Variants in BOK observed in about 807,000 individuals in gnomAD.
BOK encodes the protein BCL2 family apoptosis regulator BOK.
BOK carries 20 observed loss-of-function variants against 18.3 expected under a neutral mutation model. That is an observed-to-expected ratio of 1.09 (90% CI 0.77 to 1.59). BOK has a LOEUF of 1.59. Ranked by LOEUF, BOK falls within the 40% of genes most tolerant of loss-of-function variation. The pLI is 0.00. For synonymous variants in BOK, 173 were observed against 142.4 expected (o/e 1.21, Z -1.53); for missense variants, 348 against 307.9 (o/e 1.13, Z -0.97).
upstream of BOK, among the ~76,000 whole-genome samples, chr2:241,553,834 G>C (rs1405022192): frequency 6.6e-6 from 1 of 152,184 alleles, no homozygotes; most frequent in Non-Finnish European, 1.5e-5. Flanking sequence ...CAACGGGGTA[G>C]AGTGGCCTCT....
At chr2:241,554,950 CAAGAGTGGATGT>C (rs1196848726), upstream of BOK, among the ~76,000 whole-genome samples, 3 of 152,134 alleles carry the variant, frequency 2.0e-5, no homozygotes, top group Non-Finnish European at 4.4e-5. Context: ...AGTTGCATGG[CAAGAGTGGATGT>C]AAGAGTTCTG....
chr2:241,561,142 G>GC (rs2066521199), intron 2 of BOK, among the ~76,000 whole-genome samples: 3 of 42,518 alleles, frequency 7.1e-5, no homozygotes, highest in African/African-American at 4.2e-4. Flanking sequence ...ATACAGAGCA[G>GC]CCTTTATCAG....
At position 241,570,256 on chromosome 2, in the gene BOK, CT is replaced by C. The variant is rs2066693122; in HGVS notation, c.482del (p.Leu161ArgfsTer41). 4 of 1,579,202 alleles carry C rather than the reference CT, an allele frequency of 2.5e-6. No homozygotes were observed. The East Asian group carries it at 9.4e-5, about 37-fold the overall frequency. On this transcript the variant is annotated frameshift_variant, in exon 4 of 5. Coordinates refer to ENST00000318407, the MANE Select transcript of BOK (RefSeq NM_032515.5). LOFTEE classifies it high-confidence loss of function. The stretch of plus-strand genomic sequence containing the variant: ...CCTGGGGGAGTTCGTGCGCAAGACC[CT>C]GGCAACCTGGCTGCGGAGACGCGGC... ...DCLGEFVRKTLATWLRRRGGW... is the reference protein window; with the variant it reads ...DCLGEFVRKTXATWLRRRGGW...
At chr2:241,572,250 T>G (rs2066736093) in intron 4 of BOK, 47 bp from the exon 5 acceptor site, 5 of 1,595,424 alleles carry the variant, frequency 3.1e-6, no homozygotes, top group Non-Finnish European at 3.4e-6. Context: ...GCTGGGGGCC[T>G]GGCGGTGCTG....
chr2:241,561,350 G>A (rs1443515190), intron 2 of BOK, among the ~76,000 whole-genome samples: 1 of 152,248 alleles, frequency 6.6e-6, no homozygotes, highest in Non-Finnish European at 1.5e-5. Context: ...CCAGGGGCAG[G>A]GCTGATGCAG....
rs555216514 is a variant in BOK, at chr2:241,568,283, G to A, written c.350-1842G>A. On this transcript the variant is annotated intron_variant, in intron 3 of 4. Coordinates refer to ENST00000318407, the MANE Select transcript of BOK (RefSeq NM_032515.5). ...CTACAGGCACCAGCCGCCATGCCCG[G>A]CTAATTTTTTGTGTTTTTAGTAGAG... Among the ~76,000 whole-genome samples, 4 of 152,136 alleles carry A rather than the reference G, an allele frequency of 2.6e-5. No homozygotes were observed. In the East Asian group the frequency reaches 7.7e-4, roughly 29 times the overall value.
intron 4 of BOK, among the ~76,000 whole-genome samples, chr2:241,571,053 G>A (rs1441289026): frequency 1.2e-4 from 18 of 151,540 alleles, no homozygotes; most frequent in Admixed American, 1.2e-3. Context: ...GTGGCGGATG[G>A]GTGGTCACCT....
chr2:241,564,946 C>G (rs999906123), intron 3 of BOK, among the ~76,000 whole-genome samples: 3 of 152,182 alleles, frequency 2.0e-5, no homozygotes, highest in Non-Finnish European at 4.4e-5. Context: ...CCCGCCCGGC[C>G]TTGCTTGAGC....
chr2:241,566,279 ATTCT>A (rs1388361201), intron 3 of BOK, among the ~76,000 whole-genome samples: 3 of 145,328 alleles, frequency 2.1e-5, no homozygotes, highest in African/African-American at 7.7e-5. Flanking sequence ...GGCAGACCCT[ATTCT>A]TTCTTTTTTT....
At chr2:241,563,669 GCTGT>G (rs2066566613) in intron 3 of BOK, among the ~76,000 whole-genome samples, 1 of 152,218 alleles carries the variant, frequency 6.6e-6, no homozygotes, top group South Asian at 2.1e-4. Context: ...TGGCCAGTCA[GCTGT>G]GTGACTGTGG....
At chr2:241,563,804 A>C (rs1404006497) in intron 3 of BOK, among the ~76,000 whole-genome samples, 1 of 152,226 alleles carries the variant, frequency 6.6e-6, no homozygotes, top group Admixed American at 6.5e-5. Context: ...ATCCCACGCC[A>C]CGGGGTGACC....
At chr2:241,569,871 G>A (rs1241209324) in intron 3 of BOK, among the ~76,000 whole-genome samples, 2 of 152,178 alleles carry the variant, frequency 1.3e-5, no homozygotes, top group South Asian at 4.1e-4. Context: ...CAGTTCCCTC[G>A]CCTCACCCCA....
At chr2:241,571,567 G>A (rs35717482) in intron 4 of BOK, among the ~76,000 whole-genome samples, 23,344 of 152,188 alleles carry the variant, frequency 0.15, 1,956 homozygotes, top group Middle Eastern at 0.27. Context: ...CATGGCTACA[G>A]GTGTCCCTCA....
Position 241,572,484 on chromosome 2 carries a change from A to G in BOK, c.*62A>G, listed in dbSNP as rs2066740198. ...GGGCCCAACGCAGGAGGCCCTCAGC[A>G]CCCGAACACATCTTCCTCCTCCCCA... On this transcript the variant is annotated 3_prime_UTR_variant, in exon 5 of 5. Coordinates refer to ENST00000318407, the MANE Select transcript of BOK (RefSeq NM_032515.5). 6.5e-7 allele frequency: 1 copy of G among 1,547,650 alleles called. No homozygotes were observed. The highest frequency in any genetic ancestry group is 1.2e-5 in the South Asian group (1 of 84,954).
At chr2:241,557,294 T>C (rs1300521834), upstream of BOK, among the ~76,000 whole-genome samples, 2 of 147,200 alleles carry the variant, frequency 1.4e-5, no homozygotes, top group Admixed American at 7.3e-5. Flanking sequence ...GCAGTAATTT[T>C]ATTTTTCTTT....
intron 1 of BOK, among the ~76,000 whole-genome samples, chr2:241,553,712 A>G (rs1234328820): frequency 1.3e-5 from 2 of 152,174 alleles, no homozygotes; most frequent in African/African-American, 4.8e-5. Flanking sequence ...ATCTCCCACC[A>G]GGCCCCTCCC....
upstream of BOK, among the ~76,000 whole-genome samples, chr2:241,555,378 AT>A (rs11382322): frequency 1.7e-3 from 230 of 138,958 alleles, no homozygotes; most frequent in Middle Eastern, 3.8e-3. Context: ...CACTGAGGTC[AT>A]TTTTTTTTTT....
rs2066698318 is a variant in BOK at position 241,570,392 on chromosome 2, G to C, written c.513+104G>C. ...TGAGCCTCTGAGCGCCTGGGGGGTG[G>C]GAGAGCTGGGGTGCGAGGGTACAGA... On this transcript the variant is annotated intron_variant, in intron 4 of 4. Coordinates refer to ENST00000318407, the MANE Select transcript of BOK (RefSeq NM_032515.5). 4.7e-6 allele frequency: 4 copies of C among 850,538 alleles called. No homozygotes were observed. The South Asian group carries it at 7.1e-5, about 15-fold the overall frequency. 52.7% of individuals were successfully genotyped at this position (850,538 alleles called of 1,614,324 possible).
upstream of BOK, among the ~76,000 whole-genome samples, chr2:241,558,270 G>C (rs76016084): frequency 6.6e-4 from 100 of 152,088 alleles, 1 homozygote; most frequent in East Asian, 0.018. Flanking sequence ...CCTAAAACAA[G>C]CTTCTAAAAG....
Sources: allele counts gnomAD v4.1 joint callset (sites outside exome capture counted in the v4.1 genomes callset), GRCh38; gene constraint gnomAD v4.1.1; transcripts MANE v1.5; gene names NCBI Gene and HGNC (gene_info 2026-07-23, HGNC 2026-07-21).